The following UNC5C variants were observed in gnomAD, a reference collection of about 807,000 sequenced individuals.
UNC5C encodes netrin receptor UNC5C.
A neutral mutation model predicts 99.8 loss-of-function variants in UNC5C; 47 were observed. The ratio of observed to expected loss-of-function variants is 0.47; its 90% CI spans 0.37 to 0.60. The LOEUF (loss-of-function observed/expected upper bound fraction) is 0.60, where lower values mean the gene tolerates loss of function less well. Ranked by LOEUF, UNC5C falls within the 20% of genes least tolerant of loss-of-function variation. UNC5C has a pLI of 0.00. For missense variants in UNC5C, 1,062 were observed against 1,165.9 expected (o/e 0.91, Z 1.30); for synonymous variants, 487 against 452.2 (o/e 1.08, Z -0.98).
intron 2 of UNC5C, among the ~76,000 whole-genome samples, chr4:95,320,422 CA>C (rs34842898): frequency 0.2 from 18,700 of 94,998 alleles, 1,439 homozygotes; most frequent in Admixed American, 0.25. Flanking sequence ...AATTCCATCT[CA>C]AAAAAAAAAA....
intron 1 of UNC5C, among the ~76,000 whole-genome samples, chr4:95,398,783 G>T (rs936795118): frequency 6.6e-6 from 1 of 152,066 alleles, no homozygotes; most frequent in Non-Finnish European, 1.5e-5. Context: ...TTGCTATTTT[G>T]CTTTTTAATT....
chr4:95,226,794 AG>A (rs966844251), intron 7 of UNC5C, among the ~76,000 whole-genome samples: 1 of 152,056 alleles, frequency 6.6e-6, no homozygotes, highest in African/African-American at 2.4e-5. Context: ...ATTTCTCAAG[AG>A]GGTGTTTGGA....
intron 4 of UNC5C, among the ~76,000 whole-genome samples, chr4:95,266,068 C>T (rs1740437102): frequency 1.3e-5 from 2 of 152,156 alleles, no homozygotes; most frequent in South Asian, 4.1e-4. Flanking sequence ...ATGTACATAT[C>T]TTCAAATTCA....
intron 1 of UNC5C, among the ~76,000 whole-genome samples, chr4:95,436,288 C>T (rs972668943): frequency 1.3e-5 from 2 of 151,716 alleles, no homozygotes; most frequent in African/African-American, 4.8e-5. Context: ...AAGTACCCCT[C>T]TATTAAATAA....
rs1735939753 is a variant in UNC5C, at chr4:95,168,378, A to T, written c.*856T>A. 1 of 152,290 alleles carries T rather than the reference A, an allele frequency of 6.6e-6. No individual in the cohort carries two copies. 9.4% of individuals were successfully genotyped at this position (152,290 alleles called of 1,614,324 possible). On this transcript the variant is annotated 3_prime_UTR_variant, in exon 16 of 16. Transcript: ENST00000453304. ...CCAAATACTAACAAACAGCACTGCT[A>T]ACAAAAATAGAAATTTAAAAAAATC...
chr4:95,514,213 A>G (rs1722153174), intron 1 of UNC5C, among the ~76,000 whole-genome samples: 1 of 152,198 alleles, frequency 6.6e-6, no homozygotes, highest in Admixed American at 6.5e-5. Flanking sequence ...TCTGTTATAG[A>G]TAAGCTTGAC....
intron 4 of UNC5C, among the ~76,000 whole-genome samples, chr4:95,264,985 T>C (rs1740386904): frequency 6.6e-6 from 1 of 152,180 alleles, no homozygotes; most frequent in African/African-American, 2.4e-5. Flanking sequence ...CTTTATATCA[T>C]GGTCCTTTGT....
intron 1 of UNC5C, among the ~76,000 whole-genome samples, chr4:95,544,080 T>C (rs548162204): frequency 6.6e-6 from 1 of 152,344 alleles, no homozygotes; most frequent in East Asian, 1.9e-4. Flanking sequence ...AGTCAAGGAA[T>C]AATACTTATT....
chr4:95,460,554 A>G (rs1332786423), intron 1 of UNC5C, among the ~76,000 whole-genome samples: 1 of 151,264 alleles, frequency 6.6e-6, no homozygotes, highest in African/African-American at 2.4e-5. Flanking sequence ...ATCAGGGGAA[A>G]CCCCTTTCAC....
chr4:95,214,867 G>A (rs1317165874), intron 10 of UNC5C, among the ~76,000 whole-genome samples: 1 of 152,214 alleles, frequency 6.6e-6, no homozygotes, highest in Non-Finnish European at 1.5e-5. Flanking sequence ...CAAAAGAAGG[G>A]AGCTTTGAGG....
At chr4:95,242,166 C>T (rs1739347441) in intron 7 of UNC5C, among the ~76,000 whole-genome samples, 1 of 152,098 alleles carries the variant, frequency 6.6e-6, no homozygotes, top group South Asian at 2.1e-4. Flanking sequence ...AGTAATGGTT[C>T]CCTTCCATAT....
At chr4:95,354,491 T>C (rs1744108182) in intron 1 of UNC5C, among the ~76,000 whole-genome samples, 1 of 70,430 alleles carries the variant, frequency 1.4e-5, no homozygotes, top group African/African-American at 1.4e-4. Flanking sequence ...TTTTTTTTTT[T>C]TTTTAAGAGA....
intron 7 of UNC5C, 26 bp downstream of exon 7, chr4:95,242,403 T>G: frequency 6.2e-7 from 1 of 1,613,740 alleles, no homozygotes; most frequent in Non-Finnish European, 8.5e-7. Flanking sequence ...CCCCTCAATG[T>G]CTGCAGTTTG....
intron 1 of UNC5C, among the ~76,000 whole-genome samples, chr4:95,349,020 A>G (rs1743884605): frequency 6.6e-6 from 1 of 151,598 alleles, no homozygotes; most frequent in Non-Finnish European, 1.5e-5. Flanking sequence ...GGGTATAAAA[A>G]CATAGTTAGA....
At chr4:95,203,688 T>C (rs1317675208) in intron 11 of UNC5C, among the ~76,000 whole-genome samples, 1 of 152,134 alleles carries the variant, frequency 6.6e-6, no homozygotes, top group African/African-American at 2.4e-5. Context: ...GGCCTCAAAC[T>C]CCTGAGCTGA....
At chr4:95,411,260 C>T (rs1183855735) in intron 1 of UNC5C, among the ~76,000 whole-genome samples, 1 of 151,896 alleles carries the variant, frequency 6.6e-6, no homozygotes, top group Non-Finnish European at 1.5e-5. Flanking sequence ...ATTAGAGGAA[C>T]AAGATTTATG....
intron 1 of UNC5C, among the ~76,000 whole-genome samples, chr4:95,401,567 C>T (rs111902746): frequency 0.012 from 1,804 of 152,252 alleles, 41 homozygotes; most frequent in African/African-American, 0.041. Context: ...GGTCTCCCAA[C>T]GTGCTGGCAT....
At chr4:95,235,058 T>A (rs1384571048) in intron 7 of UNC5C, among the ~76,000 whole-genome samples, 2 of 152,174 alleles carry the variant, frequency 1.3e-5, no homozygotes, top group Non-Finnish European at 2.9e-5. Flanking sequence ...TTCAAAATAC[T>A]TGTGTTACTG....
At chr4:95,194,622 C>T (rs1000453891) in intron 12 of UNC5C, among the ~76,000 whole-genome samples, 2 of 152,166 alleles carry the variant, frequency 1.3e-5, no homozygotes, top group Non-Finnish European at 2.9e-5. Flanking sequence ...CCTTTTTCTG[C>T]AGTCATATCC....
Sources: allele counts gnomAD v4.1 joint callset (sites outside exome capture counted in the v4.1 genomes callset), GRCh38; gene constraint gnomAD v4.1.1; transcripts MANE v1.5; gene names NCBI Gene and HGNC (gene_info 2026-07-23, HGNC 2026-07-21).